The following ARHGAP23 variants were observed in gnomAD, a reference collection of about 807,000 sequenced individuals.
The protein encoded by ARHGAP23 is rho GTPase-activating protein 23.
Under a neutral mutation model 136.3 loss-of-function variants are expected in ARHGAP23, and 34 were observed. The observed-to-expected ratio is 0.25, with a 90% CI of 0.19 to 0.33. ARHGAP23 has a LOEUF of 0.33. Ranked by LOEUF, ARHGAP23 falls within the 10% of genes least tolerant of loss-of-function variation. The probability of loss-of-function intolerance (pLI) is 1.00; values close to 1 mark genes in which losing one functional copy is unlikely to be tolerated. For synonymous variants in ARHGAP23, 832 were observed against 920.5 expected, an observed-to-expected ratio of 0.90 and a Z score of 1.74; for missense variants, 1,808 against 2,139.0, an observed-to-expected ratio of 0.85 and a Z score of 3.05.
At chr17:38,439,862 A>G (rs949352234) in intron 1 of ARHGAP23, among the ~76,000 whole-genome samples, 2 of 144,708 alleles carry the variant, frequency 1.4e-5, no homozygotes, top group African/African-American at 5.2e-5. Flanking sequence ...TCAACCTCCA[A>G]CTCACAGGTT....
Position 38,510,242 on chromosome 17 carries a change from G to A in ARHGAP23, c.3746G>A (p.Gly1249Asp), listed in dbSNP as rs1453589242. The stretch of plus-strand genomic sequence containing the variant: ...GCGGACACGCGCTCCATTGTGTCGG[G>A]CTACTCCACCCTGTCCACCATGGAC... Reference protein sequence around the residue: ...PAADTRSIVSGYSTLSTMDRS... With the variant: ...PAADTRSIVSDYSTLSTMDRS... The change falls in exon 24 of 24, where the codon GGC (glycine) becomes GAC (aspartate). Residue 1249 changes from glycine (G) to aspartate (D), a missense_variant. Physicochemically the swap from Gly to Asp is moderately conservative, Grantham distance 94. This residue lies in a region of ARHGAP23 where 506 missense variants were observed against 455.8 expected (regional missense o/e 1.11). Coordinates refer to ENST00000622683, the MANE Select transcript of ARHGAP23 (RefSeq NM_001199417.2). The surrounding 1 kb of genome is among the most constrained non-coding windows in gnomAD (Gnocchi z 4.6). 5 of 1,383,682 alleles carry A rather than the reference G, an allele frequency of 3.6e-6. No individual in the cohort carries two copies. Among genetic ancestry groups the A allele is most frequent in the Non-Finnish European group, 1.9e-6 (2 of 1,067,942 alleles). 85.7% of individuals were successfully genotyped at this position (1,383,682 alleles called of 1,614,324 possible).
chr17:38,461,630 A>C (rs2039462889), intron 3 of ARHGAP23, among the ~76,000 whole-genome samples: 1 of 152,170 alleles, frequency 6.6e-6, no homozygotes, highest in African/African-American at 2.4e-5. Context: ...AGTTAGCAGC[A>C]CTTAGGAGCA....
intron 23 of ARHGAP23, among the ~76,000 whole-genome samples, chr17:38,503,462 C>T (rs987278372): frequency 6.6e-6 from 1 of 152,234 alleles, no homozygotes; most frequent in East Asian, 1.9e-4. Flanking sequence ...GGCCCCTTCT[C>T]GAGAGCCAGC....
In ARHGAP23 at chr17:38,466,595, G is replaced by A. The variant is rs1350103054; in HGVS notation, c.912G>A (p.Arg304=). The change falls in exon 7 of 24, where the codon CGG becomes CGA. Residue 304 remains arginine, a synonymous_variant. Transcript: ENST00000622683. ...NQVPRRAGER[R]CPAMAPRARS... ...TACCCCGCCGGGCGGGGGAGAGACG[G>A]TGCCCAGCCATGGCCCCCCGGGCCC... 1 of 1,511,854 alleles carries A rather than the reference G, an allele frequency of 6.6e-7. No homozygotes were observed. The highest frequency in any genetic ancestry group is 2.1e-5 in the Admixed American group (1 of 47,204). The allele number at this position is 1,511,854 out of a possible 1,614,324, so 93.7% of individuals were successfully genotyped here.
intron 3 of ARHGAP23, among the ~76,000 whole-genome samples, chr17:38,462,276 C>T (rs1461417703): frequency 1.8e-3 from 126 of 68,680 alleles, no homozygotes; most frequent in South Asian, 7.8e-3. Flanking sequence ...TTTTTTGAGA[C>T]AGTGTCTTAC....
At position 38,467,151 on chromosome 17, in the gene ARHGAP23, G is replaced by A; in HGVS notation, c.1468G>A (p.Val490Ile). 1.3e-6 allele frequency: 2 copies of A among 1,549,694 alleles called. No individual in the cohort carries two copies. Among genetic ancestry groups the A allele is most frequent in the South Asian group, 1.2e-5 (1 of 83,998 alleles). ...TGCGGAGGATCGCGGCGATGAGGTGGTCCTGAGGCAGAAGCCCCCGACGGG... is the reference window on the plus strand; with the variant it reads ...TGCGGAGGATCGCGGCGATGAGGTGATCCTGAGGCAGAAGCCCCCGACGGG... Reference protein sequence around the residue: ...PPAEDRGDEVVLRQKPPTGRK... With the variant: ...PPAEDRGDEVILRQKPPTGRK... Residue 490 changes from valine (V) to isoleucine (I), a missense_variant, in exon 7 of 24, where the codon GTC becomes ATC. By Grantham distance (29) the Val-to-Ile change is conservative (BLOSUM62 3). Transcript: ENST00000622683.
intron 22 of ARHGAP23, chr17:38,500,260 T>C (rs1386824792): frequency 1.4e-5 from 5 of 368,160 alleles, no homozygotes; most frequent in African/African-American, 1.0e-4. Flanking sequence ...TCTCCAGTGC[T>C]TCAGAGTAAC....
rs1431346399 is a variant in ARHGAP23 at position 38,467,018 on chromosome 17, G to A, written c.1335G>A (p.Gly445=). 7 of 1,550,762 alleles carry A rather than the reference G, an allele frequency of 4.5e-6. No individual in the cohort carries two copies. In the African/African-American group the frequency reaches 9.6e-5, roughly 21 times the overall value. The stretch of plus-strand genomic sequence containing the variant: ...CCTTCCGGGACTCACCCTTTGGGGG[G>A]CTGCCTACCTTCAACCTGGCCCAGT... ...ALSFRDSPFG[G]LPTFNLAQSP... The change falls in exon 7 of 24, where the codon GGG becomes GGA. Residue 445 remains glycine, a synonymous_variant. Transcript: ENST00000622683.
intron 17 of ARHGAP23, 32 bp from the exon 18 acceptor site, chr17:38,490,070 C>T (rs572087692): frequency 6.5e-7 from 1 of 1,548,882 alleles, no homozygotes. Context: ...GCGCTGCCCC[C>T]ACCTCTCTAA....
At chr17:38,451,448 G>C (rs2039164210) in intron 1 of ARHGAP23, 3 of 152,320 alleles carry the variant, frequency 2.0e-5, no homozygotes, top group African/African-American at 4.8e-5. Flanking sequence ...TGCTGTCCCA[G>C]AACCCTCAGC....
At chr17:38,443,846 G>T (rs962983132) in intron 1 of ARHGAP23, among the ~76,000 whole-genome samples, 1 of 152,174 alleles carries the variant, frequency 6.6e-6, no homozygotes, top group Admixed American at 6.5e-5. Flanking sequence ...AAGGAAACCA[G>T]TGTGTGCACC....
chr17:38,454,340 G>T (rs1396629584), intron 1 of ARHGAP23, among the ~76,000 whole-genome samples: 2 of 152,154 alleles, frequency 1.3e-5, no homozygotes, highest in Non-Finnish European at 2.9e-5. Context: ...CTCTGCCAGG[G>T]CTTCTGGGAT....
chr17:38,455,660 C>G (rs1159320007), intron 1 of ARHGAP23, among the ~76,000 whole-genome samples: 1 of 152,182 alleles, frequency 6.6e-6, no homozygotes, highest in Admixed American at 6.5e-5. Context: ...TGCAAACAGC[C>G]TCAGCTCTGA....
intron 1 of ARHGAP23, among the ~76,000 whole-genome samples, chr17:38,447,313 G>A (rs1438339882): frequency 2.0e-5 from 3 of 151,346 alleles, no homozygotes; most frequent in African/African-American, 7.3e-5. Context: ...GTGGTGGCAC[G>A]TGCCTGTAAT....
At chr17:38,507,788 C>T (rs1413229823) in intron 23 of ARHGAP23, among the ~76,000 whole-genome samples, 1 of 152,212 alleles carries the variant, frequency 6.6e-6, no homozygotes, top group Non-Finnish European at 1.5e-5. Flanking sequence ...GAGCCACATG[C>T]CTGTGACTCC....
At chr17:38,438,015 G>A (rs1167049066) in intron 1 of ARHGAP23, among the ~76,000 whole-genome samples, 3 of 152,138 alleles carry the variant, frequency 2.0e-5, no homozygotes, top group Non-Finnish European at 4.4e-5. Flanking sequence ...GATGAGGCTT[G>A]CCAAAGCTTG....
intron 20 of ARHGAP23, among the ~76,000 whole-genome samples, chr17:38,494,589 A>T (rs1326615842): frequency 6.6e-6 from 1 of 152,178 alleles, no homozygotes; most frequent in Non-Finnish European, 1.5e-5. Context: ...AAAATCCATT[A>T]AAAAAATGAT....
intron 1 of ARHGAP23, among the ~76,000 whole-genome samples, chr17:38,439,148 G>T (rs1013689649): frequency 2.0e-5 from 3 of 151,466 alleles, no homozygotes; most frequent in Non-Finnish European, 4.4e-5. Context: ...TAGCACTCCA[G>T]CCTGGGTGAC....
At chr17:38,509,812 G>C (rs996107999) in intron 23 of ARHGAP23, 132 bp from the exon 24 acceptor site, 6 of 657,106 alleles carry the variant, frequency 9.1e-6, no homozygotes, top group African/African-American at 7.5e-5. Context: ...TTTATGATGC[G>C]GCCGTGGGTG....
Sources: allele counts gnomAD v4.1 joint callset (sites outside exome capture counted in the v4.1 genomes callset), GRCh38; gene constraint gnomAD v4.1.1; regional missense constraint gnomAD v4.1.1; non-coding constraint Gnocchi (gnomAD v3.1); transcripts MANE v1.5; gene names NCBI Gene and HGNC (gene_info 2026-07-23, HGNC 2026-07-21).